The following PLCL1 variants were observed in gnomAD, a reference collection of about 807,000 sequenced individuals.
PLCL1 encodes the protein inactive phospholipase C-like protein 1.
Under a neutral mutation model 84.4 loss-of-function variants are expected in PLCL1, and 41 were observed. The observed-to-expected ratio is 0.49, with a 90% CI of 0.38 to 0.63. The LOEUF (loss-of-function observed/expected upper bound fraction) is 0.63, where lower values mean the gene tolerates loss of function less well. PLCL1 is among the 30% of genes least tolerant of loss of function. PLCL1 has a pLI of 0.00. For synonymous variants in PLCL1, 490 were observed against 488.3 expected (o/e 1.00, Z -0.05); for missense variants, 1,206 against 1,367.8 (o/e 0.88, Z 1.87).
intron 1 of PLCL1, among the ~76,000 whole-genome samples, chr2:198,008,713 A>G (rs995655615): frequency 6.6e-6 from 1 of 152,046 alleles, no homozygotes; most frequent in Non-Finnish European, 1.5e-5. Context: ...TTTTGGATAT[A>G]TACCCACAAA....
rs140305549 is a variant in PLCL1 at position 197,997,571 on chromosome 2, A to C, written c.241-86187A>C. On this transcript the variant is annotated intron_variant, in intron 1 of 5. Transcript: ENST00000428675. ...GAGGCCTTTTCATGGCCCTGCACGC[A>C]CTGATGGCTGTTTCAGGTAGACAAG... Among the ~76,000 whole-genome samples the C allele has an allele frequency of 9.7e-3, 1,480 of 152,312 alleles. 7 individuals are homozygous for C. The highest frequency in any genetic ancestry group is 0.017 in the Non-Finnish European group (1,159 of 68,026).
rs1691590865 is a variant in PLCL1 at position 198,038,381 on chromosome 2, T to C, written c.241-45377T>C. On this transcript the variant is annotated intron_variant, in intron 1 of 5. Coordinates refer to ENST00000428675, the MANE Select transcript of PLCL1 (RefSeq NM_006226.4). ...TCTGTGGGATTGCTTAATACCTTGT[T>C]AAAGAAAATTAGAGTTAAAAATCTA... Among the ~76,000 whole-genome samples the C allele has an allele frequency of 1.3e-5, 2 of 152,186 alleles. 1 individual carries two copies. The highest frequency in any genetic ancestry group is 4.8e-5 in the African/African-American group (2 of 41,452).
At chr2:197,873,216 A>G (rs1687678664) in intron 1 of PLCL1, among the ~76,000 whole-genome samples, 1 of 152,092 alleles carries the variant, frequency 6.6e-6, no homozygotes, top group South Asian at 2.1e-4. Context: ...ATTAATACAC[A>G]TATCACAAAC....
intron 1 of PLCL1, among the ~76,000 whole-genome samples, chr2:197,842,779 C>A (rs1260490962): frequency 6.6e-6 from 1 of 152,184 alleles, no homozygotes. Context: ...TATGCCACAT[C>A]TGCCTTGTCA....
At chr2:198,073,268 A>G (rs925330207) in intron 1 of PLCL1, among the ~76,000 whole-genome samples, 2 of 152,156 alleles carry the variant, frequency 1.3e-5, no homozygotes, top group African/African-American at 4.8e-5. Flanking sequence ...CATTTTGACC[A>G]TGGAGGCTTC....
chr2:197,838,653 T>G (rs1691237251), intron 1 of PLCL1, among the ~76,000 whole-genome samples: 1 of 152,348 alleles, frequency 6.6e-6, no homozygotes, highest in African/African-American at 2.4e-5. Flanking sequence ...AAAGGAAATA[T>G]AAACACATAT....
At chr2:197,967,169 G>A (rs1689760878) in intron 1 of PLCL1, among the ~76,000 whole-genome samples, 1 of 151,766 alleles carries the variant, frequency 6.6e-6, no homozygotes, top group Non-Finnish European at 1.5e-5. Flanking sequence ...CTTTTCTACA[G>A]GAGAATCACC....
intron 5 of PLCL1, among the ~76,000 whole-genome samples, chr2:198,121,911 C>A (rs1693876670): frequency 2.0e-5 from 3 of 151,972 alleles, no homozygotes; most frequent in Admixed American, 2.0e-4. Flanking sequence ...GACTATCAGG[C>A]AACTGGTGAC....
chr2:198,099,538 A>G (rs1693281128), intron 3 of PLCL1, among the ~76,000 whole-genome samples: 1 of 152,022 alleles, frequency 6.6e-6, no homozygotes, highest in Admixed American at 6.6e-5. Context: ...CCCTTATGAA[A>G]CAATTTCATA....
chr2:197,838,623 C>A (rs891294359), intron 1 of PLCL1, among the ~76,000 whole-genome samples: 1 of 152,114 alleles, frequency 6.6e-6, no homozygotes, highest in Non-Finnish European at 1.5e-5. Flanking sequence ...TATTTCTATA[C>A]CATTCTGGAG....
rs536004361 is a variant in PLCL1 at position 197,995,665 on chromosome 2, C to T, written c.241-88093C>T. Among the ~76,000 whole-genome samples, 157 of 152,252 alleles carry T rather than the reference C, an allele frequency of 1.0e-3. 1 individual carries two copies. The highest frequency in any genetic ancestry group is 3.7e-3 in the African/African-American group (153 of 41,564). On this transcript the variant is annotated intron_variant, in intron 1 of 5. Coordinates refer to ENST00000428675, the MANE Select transcript of PLCL1 (RefSeq NM_006226.4). ...GCATTTGAGCAGTCAACAATCTCAG[C>T]GTCAGCCATGTTCATGGTGTGGTAC...
chr2:198,022,860 G>A (rs191580073), intron 1 of PLCL1, among the ~76,000 whole-genome samples: 244 of 152,198 alleles, frequency 1.6e-3, no homozygotes, highest in Non-Finnish European at 2.9e-3. Context: ...TTTCTGTCAA[G>A]CTTCCATTGA....
At chr2:197,833,736 C>T (rs1380441936) in intron 1 of PLCL1, among the ~76,000 whole-genome samples, 1 of 152,208 alleles carries the variant, frequency 6.6e-6, no homozygotes, top group East Asian at 1.9e-4. Flanking sequence ...AATGGCCATA[C>T]TGCCCAAAGT....
At chr2:198,055,468 C>G (rs555695657) in intron 1 of PLCL1, among the ~76,000 whole-genome samples, 4 of 150,272 alleles carry the variant, frequency 2.7e-5, no homozygotes, top group African/African-American at 9.7e-5. Context: ...ATAATTGATT[C>G]ATGTGAATCT....
At chr2:198,032,362 T>C (rs554251202) in intron 1 of PLCL1, among the ~76,000 whole-genome samples, 107 of 152,308 alleles carry the variant, frequency 7.0e-4, no homozygotes, top group Admixed American at 2.3e-3. Flanking sequence ...CAATACCTAA[T>C]TGCCATTTTA....
intron 1 of PLCL1, among the ~76,000 whole-genome samples, chr2:197,846,358 A>C (rs1279755850): frequency 6.6e-6 from 1 of 152,178 alleles, no homozygotes; most frequent in East Asian, 1.9e-4. Flanking sequence ...AATTATGTTT[A>C]GGAGGCTCTG....
At chr2:198,115,625 G>GA (rs752172997) in intron 5 of PLCL1, among the ~76,000 whole-genome samples, 17 of 151,798 alleles carry the variant, frequency 1.1e-4, no homozygotes, top group Non-Finnish European at 1.9e-4. Context: ...AGGTTTAATG[G>GA]ACTCACAGTT....
chr2:198,037,555 G>A (rs866217817), intron 1 of PLCL1, among the ~76,000 whole-genome samples: 1 of 152,276 alleles, frequency 6.6e-6, no homozygotes, highest in East Asian at 1.9e-4. Flanking sequence ...TATAGGAGAA[G>A]CTTCCTTCAA....
intron 1 of PLCL1, among the ~76,000 whole-genome samples, chr2:197,908,692 G>A (rs1038560676): frequency 8.6e-5 from 13 of 152,000 alleles, no homozygotes; most frequent in African/African-American, 2.7e-4. Context: ...TCCTAATCAT[G>A]TCTTTATTTA....
Sources: gnomAD v4.1 joint callset for allele counts (sites outside exome capture counted in the v4.1 genomes callset) on GRCh38, gnomAD v4.1.1 for gene constraint, MANE v1.5 for transcripts, NCBI Gene and HGNC (gene_info 2026-07-23, HGNC 2026-07-21) for gene names.